Variants in AGFG2 observed in about 807,000 individuals in gnomAD.
AGFG2 encodes arf-GAP domain and FG repeat-containing protein 2.
In AGFG2, 31 loss-of-function variants were observed where a neutral mutation model predicts 48.0. The observed-to-expected ratio is 0.65, with a 90% CI of 0.49 to 0.87. The LOEUF is 0.87. AGFG2 is among the 40% of genes least tolerant of loss of function. The pLI is 0.00. For synonymous variants in AGFG2, 229 were observed against 260.8 expected (o/e 0.88, Z 1.18); for missense variants, 599 against 632.6 (o/e 0.95, Z 0.57).
In AGFG2 at chr7:100,539,542, G is replaced by T; in HGVS notation, c.196G>T (p.Val66Leu). The T allele has an allele frequency of 3.2e-6, 4 of 1,266,922 alleles. No homozygotes were observed. Among genetic ancestry groups the T allele is most frequent in the Non-Finnish European group, 4.0e-6 (4 of 997,862 alleles). The allele number at this position is 1,266,922 out of a possible 1,614,324, so 78.5% of individuals were successfully genotyped here. A position where few individuals can be genotyped will look rare whatever the true frequency, so the allele number is the denominator to read the frequency against. The change falls in exon 1 of 12, where the codon GTG (valine) becomes TTG (leucine). Residue 66 changes from valine to leucine, a missense_variant. Transcript: ENST00000300176. ...CGTGGATATCACCGTGGGCAGCTTC[G>T]TGTGCACCACCTGCTCCGGCCTCCT... ...TYVDITVGSF[V>L]CTTCSGLLRG...
At chr7:100,551,051 TATATATATATATATA>T (rs1800625002) in intron 3 of AGFG2, among the ~76,000 whole-genome samples, 2 of 84,742 alleles carry the variant, frequency 2.4e-5, no homozygotes, top group African/African-American at 8.2e-5. Context: ...TATATATATA[TATATATATATATATA>T]TTTCTTTTTT....
At chr7:100,548,092 C>T (rs1021471774) in intron 1 of AGFG2, among the ~76,000 whole-genome samples, 2 of 152,096 alleles carry the variant, frequency 1.3e-5, no homozygotes, top group African/African-American at 4.8e-5. Context: ...AGGTCTAAAA[C>T]AATGATAAAG....
chr7:100,567,185 C>A lies in AGFG2; in HGVS notation c.*2194C>A, dbSNP rs1019265369. 2 of 152,618 alleles carry A rather than the reference C, an allele frequency of 1.3e-5. No homozygotes were observed. Among genetic ancestry groups the A allele is most frequent in the East Asian group, 3.9e-4 (2 of 5,190 alleles). The allele number at this position is 152,618 out of a possible 1,614,324, so 9.5% of individuals were successfully genotyped here. On this transcript the variant is annotated 3_prime_UTR_variant, in exon 12 of 12. Coordinates refer to ENST00000300176, the MANE Select transcript of AGFG2 (RefSeq NM_006076.5). ...AGGTCAGCCTCGGGCCCCAGGGTTC[C>A]CTGGGCACAGGCTGACACTAGGAGC...
At chr7:100,557,141 C>T (rs532023975) in intron 6 of AGFG2, among the ~76,000 whole-genome samples, 3 of 150,662 alleles carry the variant, frequency 2.0e-5, no homozygotes, top group Admixed American at 6.6e-5. Flanking sequence ...GAGGCTGCAG[C>T]GAGCCGAGAT....
chr7:100,552,559 T>A (rs1405756781), intron 3 of AGFG2, among the ~76,000 whole-genome samples: 1 of 152,190 alleles, frequency 6.6e-6, no homozygotes, highest in Non-Finnish European at 1.5e-5. Context: ...TCACTTCTTG[T>A]GGGATCTCTG....
At chr7:100,563,995 C>T in intron 10 of AGFG2, 33 bp downstream of exon 10, 1 of 1,600,444 alleles carries the variant, frequency 6.2e-7, no homozygotes, top group South Asian at 1.1e-5. Context: ...CCCTTTCACC[C>T]CATCCCATCT....
rs756138442 is a variant in AGFG2, at chr7:100,554,213, G to A, written c.706G>A (p.Ala236Thr). 6.1e-5 allele frequency: 99 copies of A among 1,613,924 alleles called. No homozygotes were observed. The highest frequency in any genetic ancestry group is 8.0e-5 in the Non-Finnish European group (94 of 1,179,984). ...TGACATCGGTGGAGACCCCTTTGCT[G>A]CACCCCAGATGGCACCAGCTTTTGC... ...LADIGGDPFAAPQMAPAFAAF... is the reference protein window; with the variant it reads ...LADIGGDPFATPQMAPAFAAF... The change falls in exon 5 of 12, where the codon GCA becomes ACA. Residue 236 changes from alanine to threonine, a missense_variant. By Grantham distance (58) the Ala-to-Thr change is moderately conservative. Transcript: ENST00000300176.
Position 100,562,181 on chromosome 7 carries a change from C to CCA in AGFG2, c.878-76_878-75dup, listed in dbSNP as rs1409112468. ...CCATGACTCCAATCCATCACCACCA[C>CCA]CACCTCCATCTGCTCTCCTGCCCCT... On this transcript the variant is annotated intron_variant, in intron 6 of 11. Coordinates refer to ENST00000300176, the MANE Select transcript of AGFG2 (RefSeq NM_006076.5). The surrounding 1 kb of genome is among the most constrained non-coding windows in gnomAD (Gnocchi z 5.4). The CCA allele has an allele frequency of 6.5e-7, 1 of 1,548,528 alleles. No individual in the cohort carries two copies. Among genetic ancestry groups the CCA allele is most frequent in the Non-Finnish European group, 8.8e-7 (1 of 1,140,958 alleles).
intron 11 of AGFG2, 92 bp from the exon 12 acceptor site, chr7:100,564,840 G>C: frequency 7.0e-7 from 1 of 1,427,136 alleles, no homozygotes; most frequent in Non-Finnish European, 9.9e-7. Context: ...TCAGCATAGC[G>C]ATTTTTCAGG....
intron 6 of AGFG2, among the ~76,000 whole-genome samples, chr7:100,558,361 C>T (rs1449773819): frequency 2.0e-5 from 3 of 151,984 alleles, no homozygotes; most frequent in South Asian, 2.1e-4. Flanking sequence ...CCTTCTTGTG[C>T]GCTGTTGGCA....
In AGFG2 at chr7:100,554,102, C is replaced by G. The variant is rs1800706142; in HGVS notation, c.595C>G (p.Gln199Glu). The stretch of plus-strand genomic sequence containing the variant: ...TTCCTTCTCCTCCAAGCCCGTCAGT[C>G]AGTCTCACGCTCGGACATCCCAGGC... ...AASTSSQPVS[Q>E]SHARTSQARS... is the part of the protein sequence containing the mutation. Residue 199 changes from glutamine to glutamate, a missense_variant, in exon 5 of 12, where the codon CAG (glutamine) becomes GAG (glutamate). Transcript: ENST00000300176. The G allele has an allele frequency of 6.2e-7, 1 of 1,613,156 alleles. No individual in the cohort carries two copies. The highest frequency in any genetic ancestry group is 1.3e-5 in the African/African-American group (1 of 74,912).
At position 100,555,574 on chromosome 7, in the gene AGFG2, T is replaced by C. The variant is rs372561514; in HGVS notation, c.752-36T>C. Reference sequence around the variant, plus strand: ...AGGCGTGAGCTACCACACCCGACAATTTTCTATATAACCTTTATGTTTCTT... The same window carrying C: ...AGGCGTGAGCTACCACACCCGACAACTTTCTATATAACCTTTATGTTTCTT... On this transcript the variant is annotated intron_variant, in intron 5 of 11. Coordinates refer to ENST00000300176, the MANE Select transcript of AGFG2 (RefSeq NM_006076.5). 1.1e-5 allele frequency: 17 copies of C among 1,593,302 alleles called. No individual in the cohort carries two copies. The African/African-American group carries it at 2.3e-4, about 21-fold the overall frequency.
chr7:100,546,143 A>C (rs1800505732), intron 1 of AGFG2, among the ~76,000 whole-genome samples: 1 of 151,764 alleles, frequency 6.6e-6, no homozygotes. Flanking sequence ...CCTTCCCATC[A>C]TCCTGTCACG....
chr7:100,545,904 C>G (rs1800501469), intron 1 of AGFG2, among the ~76,000 whole-genome samples: 1 of 152,132 alleles, frequency 6.6e-6, no homozygotes, highest in African/African-American at 2.4e-5. Context: ...CTCTGTGATT[C>G]AGAAAGAAAA....
Position 100,553,488 on chromosome 7 carries a change from C to T in AGFG2, c.573C>T (p.Ser191=). 1.3e-6 allele frequency: 2 copies of T among 1,597,188 alleles called. No individual in the cohort carries two copies. Among genetic ancestry groups the T allele is most frequent in the Non-Finnish European group, 8.6e-7 (1 of 1,167,962 alleles). The part of the protein sequence containing the change: ...DPAPSLSVAA[S]TSSQPVSQSH... ...CACCGTCTCTCTCAGTTGCTGCCTC[C>T]ACCTCGAGCCAGGTAACTCTCAGAT... Residue 191 remains serine, a synonymous_variant, in exon 4 of 12, where the codon TCC becomes TCT. Coordinates refer to ENST00000300176, the MANE Select transcript of AGFG2 (RefSeq NM_006076.5).
Position 100,562,262 on chromosome 7 carries a change from G to A in AGFG2, c.881G>A (p.Ser294Asn), listed in dbSNP as rs532689803. 1.2e-5 allele frequency: 20 copies of A among 1,613,414 alleles called. No individual in the cohort carries two copies. Among genetic ancestry groups the A allele is most frequent in the Admixed American group, 1.7e-5 (1 of 59,972 alleles). The part of the protein sequence containing the change: ...SFQAQPTPAG[S>N]SQGTPFGATP... ...TGTATTTTCCACAACTGCCCAGGGA[G>A]CAGCCAGGGGACTCCATTTGGTGCC... Residue 294 changes from serine (S) to asparagine (N), a missense_variant, in exon 7 of 12, where the codon AGC (serine) becomes AAC (asparagine). Transcript: ENST00000300176. The surrounding 1 kb of genome is among the most constrained non-coding windows in gnomAD (Gnocchi z 5.4).
At chr7:100,553,076 C>T (rs569080432) in intron 3 of AGFG2, among the ~76,000 whole-genome samples, 1 of 152,108 alleles carries the variant, frequency 6.6e-6, no homozygotes, top group South Asian at 2.1e-4. Context: ...TCACTTGAGC[C>T]TAGGTAGTTA....
chr7:100,556,229 C>T (rs926110718), intron 6 of AGFG2: 7 of 189,308 alleles, frequency 3.7e-5, no homozygotes, highest in African/African-American at 9.4e-5. Flanking sequence ...GTGGGAGGAT[C>T]GCTTGAGCCC....
At chr7:100,559,421 T>G (rs1408435634) in intron 6 of AGFG2, among the ~76,000 whole-genome samples, 1 of 152,106 alleles carries the variant, frequency 6.6e-6, no homozygotes, top group Non-Finnish European at 1.5e-5. Context: ...CTGCTTTTAT[T>G]TTTATATTTC....
Sources: allele counts gnomAD v4.1 joint callset (sites outside exome capture counted in the v4.1 genomes callset), GRCh38; gene constraint gnomAD v4.1.1; non-coding constraint Gnocchi (gnomAD v3.1); transcripts MANE v1.5; gene names NCBI Gene and HGNC (gene_info 2026-07-23, HGNC 2026-07-21).